ST3GAL3: variants seen among roughly 807,000 people sequenced by gnomAD.
ST3GAL3 encodes the protein CMP-N-acetylneuraminate-beta-1,4-galactoside alpha-2,3-sialyltransferase.
Under a neutral mutation model 50.1 loss-of-function variants are expected in ST3GAL3, and 21 were observed. That is an observed-to-expected ratio of 0.42 (90% CI 0.30 to 0.60). ST3GAL3 has a LOEUF of 0.60. Ranked by LOEUF, ST3GAL3 falls within the 20% of genes least tolerant of loss-of-function variation. The probability of loss-of-function intolerance (pLI) is 0.19; values close to 1 mark genes in which losing one functional copy is unlikely to be tolerated. For missense variants in ST3GAL3, 353 were observed against 489.4 expected, an observed-to-expected ratio of 0.72 and a Z score of 2.63; for synonymous variants, 183 against 190.0, an observed-to-expected ratio of 0.96 and a Z score of 0.30.
At chr1:43,875,959 A>G (rs34154596) in intron 5 of ST3GAL3, among the ~76,000 whole-genome samples, 4 of 98,954 alleles carry the variant, frequency 4.0e-5, no homozygotes, top group Admixed American at 3.7e-4. Context: ...TCTTATTATT[A>G]TTATTATTAT....
At chr1:43,835,476 G>A (rs1284933191) in intron 4 of ST3GAL3, among the ~76,000 whole-genome samples, 1 of 152,056 alleles carries the variant, frequency 6.6e-6, no homozygotes, top group African/African-American at 2.4e-5. Flanking sequence ...TCTAAATGAG[G>A]GGTTGATTTG....
chr1:43,861,356 G>C (rs1053042428), intron 5 of ST3GAL3, among the ~76,000 whole-genome samples: 6 of 152,056 alleles, frequency 3.9e-5, no homozygotes, highest in African/African-American at 1.4e-4. Context: ...CGTCTGGGGT[G>C]GTAAGTGTGG....
chr1:43,811,639 G>A (rs2060573603), intron 3 of ST3GAL3, among the ~76,000 whole-genome samples: 1 of 152,196 alleles, frequency 6.6e-6, no homozygotes. Flanking sequence ...CAGATTCTGG[G>A]AGTGCAGGCC....
At chr1:43,850,714 C>T in intron 5 of ST3GAL3, 1 of 738,474 alleles carries the variant, frequency 1.4e-6, no homozygotes. Context: ...GTTTGGTAGC[C>T]CAGCTCCGTC....
At chr1:43,740,319 C>T (rs1253340456) in intron 2 of ST3GAL3, among the ~76,000 whole-genome samples, 1 of 138,814 alleles carries the variant, frequency 7.2e-6, no homozygotes, top group Admixed American at 7.7e-5. Context: ...GCCTGGGCCA[C>T]AGAGCAAGAC....
At chr1:43,914,935 TC>T (rs113221533) in intron 9 of ST3GAL3, among the ~76,000 whole-genome samples, 6,581 of 152,302 alleles carry the variant, frequency 0.043, 168 homozygotes, top group East Asian at 0.13. Flanking sequence ...TCTCCACCCG[TC>T]CGTTTCCTAC....
rs117872878 is a variant in ST3GAL3, at chr1:43,909,368, T to G, written c.744+9641T>G. On this transcript the variant is annotated intron_variant, in intron 9 of 11. Coordinates refer to ENST00000347631, the MANE Select transcript of ST3GAL3 (RefSeq NM_006279.5). Reference sequence around the variant, plus strand: ...CTTTCCTCTTAGCCATGTTTGATCTTCTTTATGCAGTTCCAAGATCATTCT... The same window carrying G: ...CTTTCCTCTTAGCCATGTTTGATCTGCTTTATGCAGTTCCAAGATCATTCT... 9.6e-4 allele frequency among the ~76,000 whole-genome samples: 146 copies of G among 152,356 alleles called. 1 individual carries two copies. The East Asian group carries it at 0.028, about 29-fold the overall frequency.
At chr1:43,867,918 A>G (rs1043675704) in intron 5 of ST3GAL3, among the ~76,000 whole-genome samples, 1 of 152,214 alleles carries the variant, frequency 6.6e-6, no homozygotes, top group Non-Finnish European at 1.5e-5. Context: ...TCAGAAGAGA[A>G]TAGAATTTCT....
At chr1:43,874,679 A>G (rs1285752837) in intron 5 of ST3GAL3, among the ~76,000 whole-genome samples, 1 of 152,216 alleles carries the variant, frequency 6.6e-6, no homozygotes, top group Non-Finnish European at 1.5e-5. Context: ...AGTTGGCCTT[A>G]GTTACAAATA....
chr1:43,857,502 TCTTC>T lies in ST3GAL3; in HGVS notation c.302+19209_302+19212del, dbSNP rs201810583. On this transcript the variant is annotated intron_variant, in intron 5 of 11. Coordinates refer to ENST00000347631, the MANE Select transcript of ST3GAL3 (RefSeq NM_006279.5). ...TTCCTTCCTTCCTTCCTTCCTTCCC[TCTTC>T]CTTCCTTCCTTCCTTCCCTCCTCCT... Among the ~76,000 whole-genome samples the T allele has an allele frequency of 2.9e-3, 320 of 110,016 alleles. 2 individuals are homozygous for T. Among genetic ancestry groups the T allele is most frequent in the Middle Eastern group, 0.017 (4 of 230 alleles). The allele number at this position is 110,016 out of a possible 152,430, so 72.2% of individuals were successfully genotyped here.
chr1:43,721,610 T>C (rs1670515790), intron 1 of ST3GAL3, among the ~76,000 whole-genome samples: 1 of 145,502 alleles, frequency 6.9e-6, no homozygotes, highest in South Asian at 2.2e-4. Context: ...GGCTCTTTTT[T>C]TGTTTTGTTT....
intron 2 of ST3GAL3, among the ~76,000 whole-genome samples, chr1:43,788,043 G>T (rs1291170951): frequency 6.6e-6 from 1 of 152,120 alleles, no homozygotes; most frequent in Non-Finnish European, 1.5e-5. Flanking sequence ...ATCCTAGAGC[G>T]GGATTCAGAA....
At chr1:43,885,247 G>A (rs1333612208) in intron 5 of ST3GAL3, among the ~76,000 whole-genome samples, 1 of 151,988 alleles carries the variant, frequency 6.6e-6, no homozygotes, top group Non-Finnish European at 1.5e-5. Context: ...TATGCTGTGA[G>A]AGACACAGGG....
At chr1:43,721,109 G>T (rs1403876270) in intron 1 of ST3GAL3, among the ~76,000 whole-genome samples, 1 of 151,922 alleles carries the variant, frequency 6.6e-6, no homozygotes, top group Non-Finnish European at 1.5e-5. Context: ...GCCAGGTGTG[G>T]TAGTGCATAC....
intron 2 of ST3GAL3, among the ~76,000 whole-genome samples, chr1:43,763,913 G>T (rs1246682368): frequency 6.6e-6 from 1 of 152,144 alleles, no homozygotes; most frequent in African/African-American, 2.4e-5. Context: ...GACAGTAGAG[G>T]CATTACAACA....
chr1:43,783,400 A>G (rs761447812), intron 2 of ST3GAL3, among the ~76,000 whole-genome samples: 2 of 151,968 alleles, frequency 1.3e-5, no homozygotes, highest in Non-Finnish European at 2.9e-5. Flanking sequence ...CCTCCTGAAA[A>G]TGTCCCACTG....
chr1:43,785,136 G>T (rs1197596826), intron 2 of ST3GAL3, among the ~76,000 whole-genome samples: 1 of 152,186 alleles, frequency 6.6e-6, no homozygotes, highest in Non-Finnish European at 1.5e-5. Flanking sequence ...ATCCCTCCAG[G>T]ATCTAAACAG....
intron 2 of ST3GAL3, among the ~76,000 whole-genome samples, chr1:43,746,921 C>T (rs1463168266): frequency 6.6e-6 from 1 of 151,802 alleles, no homozygotes. Context: ...TGCTACCATG[C>T]CTGACTAATT....
At chr1:43,838,355 G>A (rs746147306) in intron 5 of ST3GAL3, 44 bp downstream of exon 5, 8 of 1,565,466 alleles carry the variant, frequency 5.1e-6, no homozygotes, top group Middle Eastern at 1.7e-4. Flanking sequence ...AGCCTGGTCT[G>A]GGGTCCAAGA....
Sources: gnomAD v4.1 joint callset for allele counts (sites outside exome capture counted in the v4.1 genomes callset) on GRCh38, gnomAD v4.1.1 for gene constraint, MANE v1.5 for transcripts, NCBI Gene and HGNC (gene_info 2026-07-23, HGNC 2026-07-21) for gene names.